KIF16B: variants seen among roughly 807,000 people sequenced by gnomAD.
KIF16B encodes kinesin family member 16B, also known as kinesin-like protein KIF16B.
A neutral mutation model predicts 156.3 loss-of-function variants in KIF16B; 98 were observed. That is an observed-to-expected ratio of 0.63 (90% CI 0.53 to 0.74). KIF16B has a LOEUF of 0.74. KIF16B is among the 30% of genes least tolerant of loss of function. KIF16B has a pLI of 0.00. For synonymous variants in KIF16B, 564 were observed against 583.7 expected, an observed-to-expected ratio of 0.97 and a Z score of 0.49; for missense variants, 1,421 against 1,606.5, an observed-to-expected ratio of 0.88 and a Z score of 1.97.
chr20:16,440,409 C>G (rs370445578), intron 12 of KIF16B, among the ~76,000 whole-genome samples: 5 of 152,076 alleles, frequency 3.3e-5, no homozygotes, highest in African/African-American at 9.7e-5. Context: ...CTGTATCTAG[C>G]ATCACATCAG....
intron 12 of KIF16B, among the ~76,000 whole-genome samples, chr20:16,447,026 A>T (rs1422178062): frequency 1.3e-5 from 2 of 152,178 alleles, no homozygotes; most frequent in African/African-American, 4.8e-5. Context: ...GCAGGCACTC[A>T]AATATAAAAT....
At chr20:16,365,604 A>G (rs1270470147) in intron 22 of KIF16B, among the ~76,000 whole-genome samples, 1 of 152,214 alleles carries the variant, frequency 6.6e-6, no homozygotes, top group East Asian at 1.9e-4. Context: ...AGAGGAAAAT[A>G]GGTGGGAATG....
chr20:16,332,086 G>T (rs2063957920), intron 24 of KIF16B, among the ~76,000 whole-genome samples: 1 of 152,108 alleles, frequency 6.6e-6, no homozygotes, highest in Non-Finnish European at 1.5e-5. Flanking sequence ...ATAAGATTTA[G>T]ATCTAGAATG....
chr20:16,279,197 A>T (rs987699431), intron 25 of KIF16B, among the ~76,000 whole-genome samples: 12 of 152,100 alleles, frequency 7.9e-5, no homozygotes, highest in African/African-American at 2.7e-4. Flanking sequence ...TAACTGGTTG[A>T]CTTAAGGCAT....
At chr20:16,551,879 A>C (rs1321206208) in intron 1 of KIF16B, among the ~76,000 whole-genome samples, 1 of 152,176 alleles carries the variant, frequency 6.6e-6, no homozygotes, top group Non-Finnish European at 1.5e-5. Context: ...GGAAGGCTCA[A>C]GTTGCACCTG....
intron 12 of KIF16B, among the ~76,000 whole-genome samples, chr20:16,451,542 A>AC (rs2146605036): frequency 6.6e-6 from 1 of 151,894 alleles, no homozygotes; most frequent in South Asian, 2.1e-4. Flanking sequence ...TAAAAAAAAA[A>AC]AAACCACCAC....
At chr20:16,488,084 T>C (rs1215655337) in intron 12 of KIF16B, among the ~76,000 whole-genome samples, 2 of 152,196 alleles carry the variant, frequency 1.3e-5, no homozygotes, top group Non-Finnish European at 2.9e-5. Context: ...AAAAGCCCTG[T>C]GCAGGCAATG....
chr20:16,326,306 T>C (rs908782495), intron 24 of KIF16B, among the ~76,000 whole-genome samples: 4 of 150,934 alleles, frequency 2.7e-5, no homozygotes, highest in African/African-American at 4.9e-5. Flanking sequence ...TAGATGGGAC[T>C]TAATTAAACT....
chr20:16,336,648 C>A (rs915926495), intron 23 of KIF16B, among the ~76,000 whole-genome samples: 24 of 152,156 alleles, frequency 1.6e-4, no homozygotes, highest in African/African-American at 5.8e-4. Flanking sequence ...CCAGGAACCT[C>A]CAATTCAATT....
intron 12 of KIF16B, among the ~76,000 whole-genome samples, chr20:16,448,622 C>T (rs909479171): frequency 2.1e-4 from 32 of 152,114 alleles, no homozygotes; most frequent in Non-Finnish European, 3.5e-4. Context: ...AATAATAATA[C>T]CAACAAACAT....
At chr20:16,347,284 C>A (rs1015934409) in intron 23 of KIF16B, among the ~76,000 whole-genome samples, 1 of 152,076 alleles carries the variant, frequency 6.6e-6, no homozygotes, top group African/African-American at 2.4e-5. Flanking sequence ...GATTTTAAAA[C>A]AAATTTTATT....
At chr20:16,418,371 T>A (rs2146357869) in intron 15 of KIF16B, among the ~76,000 whole-genome samples, 1 of 152,138 alleles carries the variant, frequency 6.6e-6, no homozygotes, top group South Asian at 2.1e-4. Flanking sequence ...CACAGAAACC[T>A]TGGAAATCGA....
intron 24 of KIF16B, among the ~76,000 whole-genome samples, chr20:16,321,773 GGACA>G (rs1258729730): frequency 2.6e-5 from 4 of 151,930 alleles, no homozygotes; most frequent in Non-Finnish European, 5.9e-5. Context: ...AACAGAAAAA[GGACA>G]GACACAAACA....
At chr20:16,528,467 T>C (rs2069631133) in intron 1 of KIF16B, 27 bp from the exon 2 acceptor site, 1 of 1,459,766 alleles carries the variant, frequency 6.9e-7, no homozygotes, top group Non-Finnish European at 9.6e-7. Context: ...TCAGTAGTGG[T>C]TAGAAGAGAA....
chr20:16,345,374 C>A (rs577260670), intron 23 of KIF16B, among the ~76,000 whole-genome samples: 4 of 152,332 alleles, frequency 2.6e-5, no homozygotes, highest in African/African-American at 9.6e-5. Context: ...CAGTGGCACT[C>A]ACAGCCTCTT....
chr20:16,445,433 T>TGTGTGTGC (rs772770991), intron 12 of KIF16B, among the ~76,000 whole-genome samples: 2 of 151,692 alleles, frequency 1.3e-5, no homozygotes, highest in Non-Finnish European at 2.9e-5. Flanking sequence ...TGTGTGTGTG[T>TGTGTGTGC]GTGTGTGTGT....
At chr20:16,414,016 T>A (rs1030088428) in intron 15 of KIF16B, among the ~76,000 whole-genome samples, 12 of 152,056 alleles carry the variant, frequency 7.9e-5, no homozygotes, top group Non-Finnish European at 1.6e-4. Context: ...AAATAAGTTA[T>A]GATGATGATA....
chr20:16,326,579 T>A (rs922903263), intron 24 of KIF16B, among the ~76,000 whole-genome samples: 1 of 151,854 alleles, frequency 6.6e-6, no homozygotes, highest in African/African-American at 2.4e-5. Context: ...ATGCTCAACA[T>A]CACTAATTAT....
intron 12 of KIF16B, among the ~76,000 whole-genome samples, chr20:16,465,755 TCTC>T: frequency 6.6e-6 from 1 of 150,764 alleles, no homozygotes; most frequent in East Asian, 1.9e-4. Flanking sequence ...TAGTTCTATC[TCTC>T]CTCTCACTTA....
Sources: gnomAD v4.1 joint callset for allele counts (sites outside exome capture counted in the v4.1 genomes callset) on GRCh38, gnomAD v4.1.1 for gene constraint, MANE v1.5 for transcripts, NCBI Gene and HGNC (gene_info 2026-07-23, HGNC 2026-07-21) for gene names.